The following DACH2 variants were observed in gnomAD, a reference collection of about 807,000 sequenced individuals.
DACH2 encodes the protein dachshund family transcription factor 2.
In DACH2, 17 loss-of-function variants were observed where a neutral mutation model predicts 35.8. The ratio of observed to expected loss-of-function variants is 0.48; its 90% CI spans 0.33 to 0.71. The LOEUF (loss-of-function observed/expected upper bound fraction) is 0.71, where lower values mean the gene tolerates loss of function less well. Ranked by LOEUF, DACH2 falls within the 30% of genes least tolerant of loss-of-function variation. DACH2 has a pLI of 0.02. For synonymous variants in DACH2, 195 were observed against 177.3 expected (o/e 1.10, Z -0.79); for missense variants, 469 against 472.7 (o/e 0.99, Z 0.07).
intron 11 of DACH2, among the ~76,000 whole-genome samples, chrX:86,816,595 T>C (rs2042454750): frequency 8.9e-6 from 1 of 112,034 alleles, no homozygotes; most frequent in South Asian, 3.7e-4. Context: ...AGAGACCACT[T>C]AAGTATGAAA....
At chrX:86,576,111 T>A (rs2039432560) in intron 3 of DACH2, among the ~76,000 whole-genome samples, 1 of 112,063 alleles carries the variant, frequency 8.9e-6, no homozygotes, top group African/African-American at 3.2e-5. Context: ...AGCACTATGA[T>A]AAACATGGAG....
chrX:86,349,557 C>T (rs2035557008), intron 1 of DACH2, among the ~76,000 whole-genome samples: 1 of 112,376 alleles, frequency 8.9e-6, no homozygotes, highest in East Asian at 2.8e-4. Flanking sequence ...CTTCTCCTCC[C>T]AGCACTTCCC....
intron 3 of DACH2, among the ~76,000 whole-genome samples, chrX:86,537,318 A>C (rs759595338): frequency 9.0e-6 from 1 of 111,234 alleles, no homozygotes; most frequent in African/African-American, 3.3e-5. Context: ...GACTCTTTTG[A>C]CATATTTCCT....
intron 1 of DACH2, among the ~76,000 whole-genome samples, chrX:86,254,678 G>T (rs935857158): frequency 1.0e-5 from 1 of 99,738 alleles, no homozygotes; most frequent in Admixed American, 1.1e-4. Context: ...TGTGTGTTTC[G>T]TAAGAATTGA....
Position 86,724,989 on chromosome X carries a change from T to C in DACH2, c.1104+10269T>C, listed in dbSNP as rs764873753. On this transcript the variant is annotated intron_variant, in intron 6 of 11. Coordinates refer to ENST00000373125, the MANE Select transcript of DACH2 (RefSeq NM_053281.3). The stretch of plus-strand genomic sequence containing the variant: ...ATCACTGAAATATTCAAATGTACTT[T>C]ATATATCCTTCAATGAACTTTTCGG... 7.4e-5 allele frequency among the ~76,000 whole-genome samples: 8 copies of C among 107,857 alleles called. No homozygotes were observed. In the South Asian group the frequency reaches 3.3e-3, roughly 45 times the overall value. 93.7% of individuals were successfully genotyped at this position (107,857 alleles called of 115,157 possible).
At chrX:86,216,198 T>A (rs980346598) in intron 1 of DACH2, among the ~76,000 whole-genome samples, 7 of 112,100 alleles carry the variant, frequency 6.2e-5, no homozygotes, top group Non-Finnish European at 1.1e-4. Context: ...TTGCCAAATA[T>A]TAGCATGGAG....
chrX:86,774,180 C>T (rs755914437), intron 7 of DACH2, among the ~76,000 whole-genome samples: 140 of 111,833 alleles, frequency 1.3e-3, no homozygotes, highest in Non-Finnish European at 2.0e-3. Flanking sequence ...GCTGTTAATT[C>T]CCTCCCCTCC....
intron 2 of DACH2, among the ~76,000 whole-genome samples, chrX:86,510,512 G>A (rs750367725): frequency 1.0e-3 from 113 of 111,794 alleles, no homozygotes; most frequent in African/African-American, 3.4e-3. Flanking sequence ...TCAGGAAGCT[G>A]GGTGAGTATT....
chrX:86,500,856 G>A (rs1187233546), intron 2 of DACH2, among the ~76,000 whole-genome samples: 2 of 111,747 alleles, frequency 1.8e-5, no homozygotes, highest in Non-Finnish European at 3.8e-5. Flanking sequence ...CAAGCAGTAA[G>A]TAACCTTTTG....
intron 7 of DACH2, among the ~76,000 whole-genome samples, chrX:86,748,031 T>C (rs924722639): frequency 1.8e-5 from 2 of 112,207 alleles, no homozygotes; most frequent in Non-Finnish European, 3.8e-5. Flanking sequence ...TGTTCATCCA[T>C]AAAATAACAA....
Position 86,559,960 on chromosome X carries a change from T to G in DACH2, c.640+45569T>G, listed in dbSNP as rs1602645874. ...TTTATATTTAAAGTTAATATTGTTA[T>G]GTGTGAATTTGATCCTGTCATTATG... On this transcript the variant is annotated intron_variant, in intron 3 of 11. Coordinates refer to ENST00000373125, the MANE Select transcript of DACH2 (RefSeq NM_053281.3). Among the ~76,000 whole-genome samples, 2 of 60,219 alleles carry G rather than the reference T, an allele frequency of 3.3e-5. 1 individual carries two copies. Among genetic ancestry groups the G allele is most frequent in the East Asian group, 9.9e-4 (2 of 2,022 alleles). The allele number at this position is 60,219 out of a possible 115,157, so 52.3% of individuals were successfully genotyped here. A position where few individuals can be genotyped will look rare whatever the true frequency, so the allele number is the denominator to read the frequency against.
At chrX:86,668,457 A>G (rs1474096809) in intron 4 of DACH2, among the ~76,000 whole-genome samples, 2 of 112,328 alleles carry the variant, frequency 1.8e-5, no homozygotes, top group Non-Finnish European at 3.8e-5. Flanking sequence ...TCAAAGCTTG[A>G]AAAGCAGAGG....
rs931226069 is a variant in DACH2, at chrX:86,518,013, G to A, written c.640+3622G>A. On this transcript the variant is annotated intron_variant, in intron 3 of 11. Transcript: ENST00000373125. ...TGGTATTGCCTTGGTTGTCTTCAAG[G>A]GATTTTATAATTTTGGGTTTTACAT... 8.1e-5 allele frequency among the ~76,000 whole-genome samples: 9 copies of A among 111,253 alleles called. No individual in the cohort carries two copies. In the South Asian group the frequency reaches 1.1e-3, roughly 14 times the overall value.
intron 1 of DACH2, among the ~76,000 whole-genome samples, chrX:86,348,288 T>C (rs1422215867): frequency 8.9e-6 from 1 of 112,245 alleles, no homozygotes; most frequent in African/African-American, 3.2e-5. Flanking sequence ...TGATGTTTTA[T>C]GTGAAGATGG....
chrX:86,463,420 G>T (rs1226336165), intron 2 of DACH2, among the ~76,000 whole-genome samples: 2 of 110,542 alleles, frequency 1.8e-5, no homozygotes, highest in Non-Finnish European at 3.8e-5. Context: ...AACAAGCAAT[G>T]GGGAAAGGAT....
chrX:86,689,629 T>C (rs982021060), intron 4 of DACH2, among the ~76,000 whole-genome samples: 6 of 111,670 alleles, frequency 5.4e-5, no homozygotes, highest in African/African-American at 1.3e-4. Flanking sequence ...CTCTTCCCAT[T>C]TGGCTTCTTT....
rs373147202 is a variant in DACH2 at position 86,486,455 on chromosome X, A to G, written c.528-27824A>G. ...GACTTGAAAATTACATCTAGTGTGA[A>G]GTTCCAGCTTCCTTTACCTAATTTG... On this transcript the variant is annotated intron_variant, in intron 2 of 11. Coordinates refer to ENST00000373125, the MANE Select transcript of DACH2 (RefSeq NM_053281.3). Among the ~76,000 whole-genome samples, 14 of 110,967 alleles carry G rather than the reference A, an allele frequency of 1.3e-4. No homozygotes were observed. The East Asian group carries it at 1.4e-3, about 11-fold the overall frequency.
intron 1 of DACH2, among the ~76,000 whole-genome samples, chrX:86,360,603 G>T (rs1174323332): frequency 9.0e-6 from 1 of 110,961 alleles, no homozygotes; most frequent in Non-Finnish European, 1.9e-5. Context: ...TTATGTAATT[G>T]TATATGATTC....
chrX:86,555,727 C>A (rs73631964), intron 3 of DACH2, among the ~76,000 whole-genome samples: 3,614 of 111,071 alleles, frequency 0.033, 156 homozygotes, highest in African/African-American at 0.11. Flanking sequence ...TTAGAAACTA[C>A]AATTAATTGA....
Sources: allele counts gnomAD v4.1 joint callset (sites outside exome capture counted in the v4.1 genomes callset), GRCh38; gene constraint gnomAD v4.1.1; transcripts MANE v1.5; gene names NCBI Gene and HGNC (gene_info 2026-07-23, HGNC 2026-07-21).